Variants in SLC25A19 observed in about 807,000 individuals in gnomAD.
The protein encoded by SLC25A19 is solute carrier family 25 member 19.
In SLC25A19, 18 loss-of-function variants were observed where a neutral mutation model predicts 27.9. The observed-to-expected ratio is 0.64, with a 90% CI of 0.45 to 0.96. The LOEUF (loss-of-function observed/expected upper bound fraction) is 0.96, where lower values mean the gene tolerates loss of function less well. SLC25A19 is among the 40% of genes least tolerant of loss of function. SLC25A19 has a pLI of 0.00. For missense variants in SLC25A19, 371 were observed against 418.3 expected, an observed-to-expected ratio of 0.89 and a Z score of 0.99; for synonymous variants, 169 against 167.1, an observed-to-expected ratio of 1.01 and a Z score of -0.09.
intron 6 of SLC25A19, 69 bp from the exon 7 acceptor site, chr17:75,277,552 G>A (rs1332819204): frequency 1.3e-5 from 21 of 1,583,170 alleles, no homozygotes; most frequent in Admixed American, 1.7e-5. Context: ...AACTTAAAAG[G>A]CGTCAGGGCT....
chr17:75,279,389 C>T (rs1419714318), intron 5 of SLC25A19, among the ~76,000 whole-genome samples: 1 of 151,904 alleles, frequency 6.6e-6, no homozygotes, highest in Non-Finnish European at 1.5e-5. Flanking sequence ...GGTGGAGAGT[C>T]TTGTAGGTTT....
At chr17:75,286,955 C>A in intron 2 of SLC25A19, 153 bp from the exon 3 acceptor site, 1 of 701,368 alleles carries the variant, frequency 1.4e-6, no homozygotes, top group Non-Finnish European at 2.4e-6. Context: ...TATCCCAGCA[C>A]TTTCGGAGGC....
intron 5 of SLC25A19, among the ~76,000 whole-genome samples, chr17:75,281,290 C>T (rs935548202): frequency 1.3e-5 from 2 of 152,140 alleles, no homozygotes; most frequent in Admixed American, 6.6e-5. Flanking sequence ...GTCCAGGAAA[C>T]AGAGATCATG....
chr17:75,284,720 G>A (rs1338805970), intron 4 of SLC25A19, among the ~76,000 whole-genome samples: 4 of 147,304 alleles, frequency 2.7e-5, no homozygotes, highest in Non-Finnish European at 4.4e-5. Flanking sequence ...ACGGCTCACT[G>A]CAGCCTCAAC....
At position 75,286,808 on chromosome 17, in the gene SLC25A19, T is replaced by G; in HGVS notation, c.-38-6A>C. The G allele has an allele frequency of 1.2e-6, 2 of 1,613,328 alleles. No individual in the cohort carries two copies. Among genetic ancestry groups the G allele is most frequent in the African/African-American group, 2.7e-5 (2 of 75,026 alleles). On this transcript the variant is annotated splice_polypyrimidine_tract_variant and splice_region_variant and intron_variant, in intron 2 of 7. Transcript: ENST00000416858. ...CAATGTCCATCAGTATCAAGCTAAA[T>G]GCAAGAGATACGGAATAAACACCAG...
At chr17:75,278,755 G>A (rs1302763440) in intron 5 of SLC25A19, among the ~76,000 whole-genome samples, 1 of 151,940 alleles carries the variant, frequency 6.6e-6, no homozygotes, top group Non-Finnish European at 1.5e-5. Context: ...GGCTGAGGCA[G>A]GCAGATCACT....
At chr17:75,279,540 C>T (rs545786226) in intron 5 of SLC25A19, among the ~76,000 whole-genome samples, 2 of 129,280 alleles carry the variant, frequency 1.5e-5, no homozygotes, top group South Asian at 2.3e-4. Flanking sequence ...CGAAGTCTTG[C>T]TATGTTGCCT....
In SLC25A19 at chr17:75,278,065, G is replaced by A. The variant is rs1171727412; in HGVS notation, c.643+87C>T. 4 of 1,459,292 alleles carry A rather than the reference G, an allele frequency of 2.7e-6. No individual in the cohort carries two copies. The African/African-American group carries it at 5.6e-5, about 20-fold the overall frequency. The allele number at this position is 1,459,292 out of a possible 1,614,324, so 90.4% of individuals were successfully genotyped here. A position where few individuals can be genotyped will look rare whatever the true frequency, so the allele number is the denominator to read the frequency against. On this transcript the variant is annotated intron_variant, in intron 6 of 7. Transcript: ENST00000416858. ...AGACCCGCGGTCTTTGATTCGGACA[G>A]GAGAACTTTAGCTCCTTTGTGATTT... is the stretch of plus-strand genomic sequence containing the variant.
At chr17:75,278,844 G>C (rs1439251177) in intron 5 of SLC25A19, among the ~76,000 whole-genome samples, 1 of 151,966 alleles carries the variant, frequency 6.6e-6, no homozygotes, top group East Asian at 1.9e-4. Flanking sequence ...TTAGCTGGGG[G>C]TGGTGGCTCA....
rs2077777097 is a variant in SLC25A19 at position 75,273,395 on chromosome 17, A to T, written c.*56T>A. 1.9e-6 allele frequency: 3 copies of T among 1,574,116 alleles called. No individual in the cohort carries two copies. The Admixed American group carries it at 5.4e-5, about 28-fold the overall frequency. Reference sequence around the variant, plus strand: ...AGACGGCACCTCTCAGTGGAGACTGAATCTTCCTTCCTTCAGGAGGCTGCC... The same window carrying T: ...AGACGGCACCTCTCAGTGGAGACTGTATCTTCCTTCCTTCAGGAGGCTGCC... On this transcript the variant is annotated 3_prime_UTR_variant, in exon 8 of 8. Coordinates refer to ENST00000416858, the MANE Select transcript of SLC25A19 (RefSeq NM_001126121.2).
chr17:75,278,466 T>A, intron 5 of SLC25A19, 131 bp from the exon 6 acceptor site: 1 of 989,144 alleles, frequency 1.0e-6, no homozygotes, highest in Non-Finnish European at 1.6e-6. Context: ...AGGAAGACAG[T>A]CAAGGGAAAC....
intron 5 of SLC25A19, among the ~76,000 whole-genome samples, chr17:75,280,182 C>T: frequency 6.6e-6 from 1 of 151,994 alleles, no homozygotes; most frequent in South Asian, 2.1e-4. Flanking sequence ...GCCTGGGCAA[C>T]ATGGTGAATG....
At chr17:75,286,257 C>T (rs2145782975) in intron 4 of SLC25A19, 47 bp downstream of exon 4, 1 of 1,607,544 alleles carries the variant, frequency 6.2e-7, no homozygotes, top group African/African-American at 1.3e-5. Flanking sequence ...TGCTCCTCCA[C>T]TGAGCAACGT....
In SLC25A19 at chr17:75,286,457, A is replaced by T. The variant is rs373190423; in HGVS notation, c.135T>A (p.Leu45=). 3.6e-5 allele frequency: 58 copies of T among 1,613,806 alleles called. No homozygotes were observed. Among genetic ancestry groups the T allele is most frequent in the South Asian group, 2.3e-4 (21 of 91,082 alleles). ...CACTGCGAGACAGGCGCTCATGCTGAAGCTAGGAATCAAAATAAAAAAGGT... is the reference window on the plus strand; with the variant it reads ...CACTGCGAGACAGGCGCTCATGCTGTAGCTAGGAATCAAAATAAAAAAGGT... ...PFDVIKIRFQ[L]QHERLSRSDP... is the part of the protein sequence containing the mutation. The change falls in exon 4 of 8, where the codon CTT becomes CTA. Residue 45 remains leucine (L), a splice_region_variant and synonymous_variant. Coordinates refer to ENST00000416858, the MANE Select transcript of SLC25A19 (RefSeq NM_001126121.2).
At chr17:75,282,488 G>A (rs902200433) in intron 5 of SLC25A19, among the ~76,000 whole-genome samples, 2 of 152,202 alleles carry the variant, frequency 1.3e-5, no homozygotes, top group African/African-American at 4.8e-5. Flanking sequence ...GGCAGAGGTT[G>A]CAGTGAGCCG....
chr17:75,278,546 A>G (rs2077956289), intron 5 of SLC25A19, among the ~76,000 whole-genome samples: 1 of 152,144 alleles, frequency 6.6e-6, no homozygotes, highest in Non-Finnish European at 1.5e-5. Flanking sequence ...CCACTGTTAT[A>G]TCCACAGGTG....
chr17:75,277,093 G>A (rs755826666), intron 7 of SLC25A19, among the ~76,000 whole-genome samples: 1 of 151,856 alleles, frequency 6.6e-6, no homozygotes, highest in Admixed American at 6.6e-5. Context: ...GGGAAACAGA[G>A]TGAGACCCTG....
At chr17:75,280,156 TAGG>T (rs1223295670) in intron 5 of SLC25A19, among the ~76,000 whole-genome samples, 1 of 151,858 alleles carries the variant, frequency 6.6e-6, no homozygotes, top group Non-Finnish European at 1.5e-5. Flanking sequence ...CACTTGAGCC[TAGG>T]AGTTCGAGAA....
Position 75,286,607 on chromosome 17 carries a change from ATTGCATGG to A in SLC25A19, c.132+18_132+25del. ...AAAGACTGAACTTGTCCTCCAGTCC[ATTGCATGG>A]AAAAAGGGGAAGAGTACCTGGAAAC... On this transcript the variant is annotated intron_variant, in intron 3 of 7. Transcript: ENST00000416858. 1 of 1,614,172 alleles carries A rather than the reference ATTGCATGG, an allele frequency of 6.2e-7. No individual in the cohort carries two copies. The highest frequency in any genetic ancestry group is 1.1e-5 in the South Asian group (1 of 91,072).
Sources: allele counts gnomAD v4.1 joint callset (sites outside exome capture counted in the v4.1 genomes callset), GRCh38; gene constraint gnomAD v4.1.1; transcripts MANE v1.5; gene names NCBI Gene and HGNC (gene_info 2026-07-23, HGNC 2026-07-21).